Variants in HAPLN2 observed in about 807,000 individuals in gnomAD.
HAPLN2 encodes brain link protein-1.
HAPLN2 carries 27 observed loss-of-function variants against 29.3 expected under a neutral mutation model. The observed-to-expected ratio is 0.92, with a 90% CI of 0.68 to 1.27. The LOEUF is 1.27. HAPLN2 is among the 50% of genes most tolerant of loss of function. The probability of loss-of-function intolerance (pLI) is 0.00; values close to 1 mark genes in which losing one functional copy is unlikely to be tolerated. For missense variants in HAPLN2, 454 were observed against 484.3 expected (o/e 0.94, Z 0.59); for synonymous variants, 208 against 211.7 (o/e 0.98, Z 0.15).
chr1:156,623,734 G>C, intron 3 of HAPLN2, 73 bp from the exon 4 acceptor site: 1 of 1,480,392 alleles, frequency 6.8e-7, no homozygotes, highest in Non-Finnish European at 9.0e-7. Context: ...AAAGCATTTG[G>C]GGAGCAGGGT....
chr1:156,622,109 A>G (rs1678248777), intron 2 of HAPLN2, among the ~76,000 whole-genome samples: 1 of 152,170 alleles, frequency 6.6e-6, no homozygotes. Context: ...TATTATGTTC[A>G]AATTCACACT....
upstream of HAPLN2, among the ~76,000 whole-genome samples, chr1:156,616,911 A>C (rs951287536): frequency 1.6e-4 from 25 of 151,810 alleles, no homozygotes; most frequent in Admixed American, 9.2e-4. Context: ...AGATAGGGAG[A>C]CCCTGTCTTT....
chr1:156,622,613 G>GA (rs34856531), intron 2 of HAPLN2, among the ~76,000 whole-genome samples: 1 of 152,122 alleles, frequency 6.6e-6, no homozygotes, highest in South Asian at 2.1e-4. Context: ...GAAACTGCCA[G>GA]AAATCCAGCA....
chr1:156,606,251 G>A, the HAPLN2 span, among the ~76,000 whole-genome samples: 1 of 151,556 alleles, frequency 6.6e-6, no homozygotes, highest in Admixed American at 6.6e-5. Context: ...GCAAAACAGC[G>A]AAACTCCATC....
chr1:156,605,763 T>C, the HAPLN2 span, among the ~76,000 whole-genome samples: 5 of 152,204 alleles, frequency 3.3e-5, no homozygotes, highest in African/African-American at 1.2e-4. Context: ...TGTAATGGAA[T>C]TGAGAATCCA....
rs1208086929 is a variant in HAPLN2 at position 156,625,387 on chromosome 1, G to T, written c.*3G>T. The T allele has an allele frequency of 2.5e-6, 4 of 1,584,530 alleles. No individual in the cohort carries two copies. The highest frequency in any genetic ancestry group is 1.7e-4 in the Middle Eastern group (1 of 5,924). ...CCTACTGCTACGCCGAGAATTAGGC[G>T]CCCACCGTGTCCCCTCCAGCGCGCG... On this transcript the variant is annotated 3_prime_UTR_variant, in exon 7 of 7. Transcript: ENST00000255039. This position sits in a 1 kb window ranked among gnomAD's most constrained non-coding sequence, Gnocchi z 5.7.
At position 156,624,053 on chromosome 1, in the gene HAPLN2, C is replaced by T; in HGVS notation, c.332C>T (p.Ala111Val). The change falls in exon 4 of 7, where the codon GCC becomes GTC. Residue 111 changes from alanine (A) to valine (V), a missense_variant. Transcript: ENST00000255039. ...ATGCGGAGGGGGCATCGACTAGACG[C>T]CTCCCTGGTCATCGCGGGCGTGCGC... is the stretch of plus-strand genomic sequence containing the variant. ...ARMRRGHRLD[A>V]SLVIAGVRLE... is the part of the protein sequence containing the mutation. The T allele has an allele frequency of 7.4e-6, 12 of 1,613,416 alleles. No individual in the cohort carries two copies. The highest frequency in any genetic ancestry group is 1.0e-5 in the Non-Finnish European group (12 of 1,179,844).
chr1:156,608,137 C>T, the HAPLN2 span, among the ~76,000 whole-genome samples: 31 of 152,288 alleles, frequency 2.0e-4, no homozygotes, highest in East Asian at 5.4e-3. Flanking sequence ...CAAACATTAC[C>T]ATATTTGAGT....
chr1:156,601,540 G>T, the HAPLN2 span: 3 of 1,380,456 alleles, frequency 2.2e-6, no homozygotes, highest in Non-Finnish European at 3.0e-6. Flanking sequence ...CCAAAATCAC[G>T]GTTTTTCCAG....
chr1:156,622,227 C>T (rs180857224), intron 2 of HAPLN2, among the ~76,000 whole-genome samples: 19 of 151,972 alleles, frequency 1.3e-4, no homozygotes, highest in Admixed American at 1.2e-3. Context: ...AGACAGATTA[C>T]TTGAGCCCAG....
chr1:156,604,650 A>G, the HAPLN2 span, among the ~76,000 whole-genome samples: 4 of 152,242 alleles, frequency 2.6e-5, no homozygotes, highest in South Asian at 2.1e-4. Context: ...AGAAGATACA[A>G]AATGTTACCT....
chr1:156,603,903 T>C, the HAPLN2 span, among the ~76,000 whole-genome samples: 2 of 152,214 alleles, frequency 1.3e-5, no homozygotes. Flanking sequence ...CACAGTGCTA[T>C]GGGGATAAGA....
At chr1:156,612,821 A>G in the HAPLN2 span, among the ~76,000 whole-genome samples, 1 of 152,216 alleles carries the variant, frequency 6.6e-6, no homozygotes, top group East Asian at 1.9e-4. Context: ...GCTTCCTAAA[A>G]ACTCTTGCAG....
At chr1:156,621,676 A>T (rs1177015932) in intron 2 of HAPLN2, among the ~76,000 whole-genome samples, 3 of 150,468 alleles carry the variant, frequency 2.0e-5, no homozygotes, top group African/African-American at 7.3e-5. Flanking sequence ...GTGAGCTGAG[A>T]TGGTGCCATT....
chr1:156,625,687 G>A lies in HAPLN2; in HGVS notation c.*303G>A. ...GGTGAGGCGGCCGGGGGCATTAACT[G>A]ACCTCTGAGTACAGCAATAAAATAA... On this transcript the variant is annotated 3_prime_UTR_variant, in exon 7 of 7. Transcript: ENST00000255039. The surrounding 1 kb of genome is among the most constrained non-coding windows in gnomAD (Gnocchi z 5.7). 2 of 374,014 alleles carry A rather than the reference G, an allele frequency of 5.3e-6. No individual in the cohort carries two copies. The highest frequency in any genetic ancestry group is 4.9e-5 in the East Asian group (1 of 20,472). The allele number at this position is 374,014 out of a possible 1,614,324, so 23.2% of individuals were successfully genotyped here. A position where few individuals can be genotyped will look rare whatever the true frequency, so the allele number is the denominator to read the frequency against.
At chr1:156,607,961 C>T in the HAPLN2 span, among the ~76,000 whole-genome samples, 5 of 152,230 alleles carry the variant, frequency 3.3e-5, no homozygotes, top group East Asian at 9.6e-4. Context: ...AAAGGTGAGC[C>T]TGTGTCTCAC....
chr1:156,607,082 T>C, the HAPLN2 span, among the ~76,000 whole-genome samples: 1 of 152,214 alleles, frequency 6.6e-6, no homozygotes, highest in Non-Finnish European at 1.5e-5. Flanking sequence ...CCTATACCTA[T>C]CACAATGGTC....
the HAPLN2 span, among the ~76,000 whole-genome samples, chr1:156,608,980 G>A: frequency 6.6e-6 from 1 of 152,226 alleles, no homozygotes; most frequent in African/African-American, 2.4e-5. Flanking sequence ...ACCAGTGGGA[G>A]TAGAGCTGGG....
chr1:156,624,417 C>A lies in HAPLN2; in HGVS notation c.506C>A (p.Ala169Glu). Residue 169 changes from alanine (A) to glutamate (E), a missense_variant, in exon 5 of 7, where the codon GCG becomes GAG. By Grantham distance (107) the Ala-to-Glu change is moderately radical. Transcript: ENST00000255039. ...TTCAATTACTACGAGGCGAAGCAGG[C>A]GTGCGAGGAGCAGGACGGACGCCTG... ...YQFNYYEAKQ[A>E]CEEQDGRLAT... The A allele has an allele frequency of 6.2e-7, 1 of 1,611,560 alleles. No homozygotes were observed.
Sources: allele counts gnomAD v4.1 joint callset (sites outside exome capture counted in the v4.1 genomes callset), GRCh38; gene constraint gnomAD v4.1.1; non-coding constraint Gnocchi (gnomAD v3.1); transcripts MANE v1.5; gene names NCBI Gene and HGNC (gene_info 2026-07-23, HGNC 2026-07-21).